The following EPM2A variants were observed in gnomAD, a reference collection of about 807,000 sequenced individuals.
The protein encoded by EPM2A is EPM2A glucan phosphatase, laforin, also known as laforin.
In EPM2A, 21 loss-of-function variants were observed where a neutral mutation model predicts 26.5. The ratio of observed to expected loss-of-function variants is 0.79; its 90% CI spans 0.56 to 1.14. The LOEUF (loss-of-function observed/expected upper bound fraction) is 1.14. Ranked by LOEUF, EPM2A falls within the 50% of genes most tolerant of loss-of-function variation. EPM2A has a pLI of 0.00. For missense variants in EPM2A, 458 were observed against 440.8 expected, an observed-to-expected ratio of 1.04 and a Z score of -0.35; for synonymous variants, 217 against 177.6, an observed-to-expected ratio of 1.22 and a Z score of -1.76.
At chr6:145,560,111 G>A (rs548957714) in intron 2 of EPM2A, among the ~76,000 whole-genome samples, 3 of 152,146 alleles carry the variant, frequency 2.0e-5, no homozygotes, top group Non-Finnish European at 4.4e-5. Flanking sequence ...GGGTAGACCT[G>A]GGCCTCAGAA....
At chr6:145,437,409 G>A (rs1231014569) in intron 4 of EPM2A, among the ~76,000 whole-genome samples, 1 of 152,104 alleles carries the variant, frequency 6.6e-6, no homozygotes, top group African/African-American at 2.4e-5. Context: ...AGCGGTGTAA[G>A]AACAGTCGAA....
At chr6:145,442,832 G>A (rs894240828) in intron 4 of EPM2A, among the ~76,000 whole-genome samples, 12 of 150,890 alleles carry the variant, frequency 8.0e-5, no homozygotes, top group African/African-American at 2.7e-4. Context: ...ACAGTTTGAA[G>A]TTTCACAAGG....
Position 145,509,112 on chromosome 6 carries a change from C to G in EPM2A, c.341-6537G>C, listed in dbSNP as rs575578455. ...TTATGTAAAGCAATGAAACCTATGA[C>G]TTGTTGGCATTCCTGAGAGAGAGAA... On this transcript the variant is annotated intron_variant, in intron 2 of 3. Transcript: ENST00000450221. 3.4e-4 allele frequency among the ~76,000 whole-genome samples: 52 copies of G among 152,194 alleles called. 1 individual carries two copies. Among genetic ancestry groups the G allele is most frequent in the Middle Eastern group, 6.8e-3 (2 of 292 alleles).
intron 2 of EPM2A, among the ~76,000 whole-genome samples, chr6:145,519,299 G>C (rs1464720001): frequency 6.6e-6 from 1 of 152,092 alleles, no homozygotes; most frequent in Non-Finnish European, 1.5e-5. Context: ...ATGCACCATG[G>C]ATATTTAACT....
chr6:145,654,226 T>C (rs931782567), intron 2 of EPM2A, among the ~76,000 whole-genome samples: 2 of 152,072 alleles, frequency 1.3e-5, no homozygotes, highest in South Asian at 2.1e-4. Context: ...GTTTCACTCT[T>C]GTTGCCCAGA....
chr6:145,523,623 AGACT>A (rs1780232631), intron 2 of EPM2A, among the ~76,000 whole-genome samples: 2 of 152,204 alleles, frequency 1.3e-5, no homozygotes, highest in East Asian at 1.9e-4. Flanking sequence ...ACTACTTCAC[AGACT>A]GACTGTTCTC....
At chr6:145,569,057 C>T (rs1478092398) in intron 2 of EPM2A, among the ~76,000 whole-genome samples, 1 of 152,162 alleles carries the variant, frequency 6.6e-6, no homozygotes, top group Non-Finnish European at 1.5e-5. Flanking sequence ...TGTTGAAATG[C>T]TGTTCAGGAA....
intron 2 of EPM2A, among the ~76,000 whole-genome samples, chr6:145,672,442 T>C (rs906399067): frequency 2.0e-5 from 3 of 152,156 alleles, no homozygotes; most frequent in African/African-American, 4.8e-5. Flanking sequence ...ATGCCAGCAG[T>C]AGGGAATGGT....
intron 4 of EPM2A, among the ~76,000 whole-genome samples, chr6:145,457,596 TTA>T (rs1365435920): frequency 6.6e-6 from 1 of 152,194 alleles, no homozygotes; most frequent in African/African-American, 2.4e-5. Flanking sequence ...ATTCACTCAC[TTA>T]ATTTTTATTG....
intron 2 of EPM2A, among the ~76,000 whole-genome samples, chr6:145,661,576 T>A (rs73782038): frequency 0.014 from 2,101 of 152,346 alleles, 42 homozygotes; most frequent in African/African-American, 0.047. Flanking sequence ...GAAAATGGTA[T>A]GTAATCAGAA....
At chr6:145,406,428 C>G (rs903692811) in intron 4 of EPM2A, among the ~76,000 whole-genome samples, 1 of 152,130 alleles carries the variant, frequency 6.6e-6, no homozygotes, top group Admixed American at 6.6e-5. Flanking sequence ...ACTGCATCAT[C>G]CATTGTAATT....
At chr6:145,448,773 T>C (rs1441386578) in intron 4 of EPM2A, among the ~76,000 whole-genome samples, 1 of 152,206 alleles carries the variant, frequency 6.6e-6, no homozygotes, top group Non-Finnish European at 1.5e-5. Context: ...AGATGATACA[T>C]AGACTAAACA....
intron 2 of EPM2A, among the ~76,000 whole-genome samples, chr6:145,543,255 T>C (rs1179474662): frequency 6.6e-6 from 1 of 152,012 alleles, no homozygotes. Context: ...CTTACAGTAA[T>C]CAATACAGTC....
chr6:145,484,169 G>A (rs1779645397), intron 4 of EPM2A, among the ~76,000 whole-genome samples: 1 of 152,088 alleles, frequency 6.6e-6, no homozygotes, highest in Admixed American at 6.6e-5. Context: ...ATTTTCTGCT[G>A]TTCTTCTGTA....
rs1782137627 is a variant in EPM2A, at chr6:145,705,056, T to C, written c.302-18760A>G. Among the ~76,000 whole-genome samples, 3 of 152,324 alleles carry C rather than the reference T, an allele frequency of 2.0e-5. No homozygotes were observed. The South Asian group carries it at 6.2e-4, about 32-fold the overall frequency. ...AAAGTGCCTTGCTCAAGTTCATATA[T>C]TTATCAAGCATTTAATGAACATCTG... On this transcript the variant is annotated intron_variant, in intron 1 of 3. Coordinates refer to ENST00000367519, the MANE Select transcript of EPM2A (RefSeq NM_005670.4).
At chr6:145,474,138 A>T (rs1043467079) in intron 4 of EPM2A, among the ~76,000 whole-genome samples, 1 of 152,146 alleles carries the variant, frequency 6.6e-6, no homozygotes, top group African/African-American at 2.4e-5. Context: ...GTACAATAAG[A>T]TATAAATAGA....
chr6:145,508,398 T>C (rs1423746846), intron 2 of EPM2A, among the ~76,000 whole-genome samples: 1 of 152,180 alleles, frequency 6.6e-6, no homozygotes, highest in African/African-American at 2.4e-5. Context: ...GAAGCCTGAA[T>C]TACACCTCCA....
At chr6:145,482,103 C>A (rs1779617221) in intron 4 of EPM2A, among the ~76,000 whole-genome samples, 1 of 152,180 alleles carries the variant, frequency 6.6e-6, no homozygotes, top group South Asian at 2.1e-4. Context: ...TAACAGAGTT[C>A]TTCTGTGTTT....
At chr6:145,604,113 T>A (rs1208034453) in intron 2 of EPM2A, among the ~76,000 whole-genome samples, 2 of 152,106 alleles carry the variant, frequency 1.3e-5, no homozygotes, top group Admixed American at 6.5e-5. Context: ...CTCAACAGAT[T>A]TATAGACAAT....
Sources: allele counts gnomAD v4.1 joint callset (sites outside exome capture counted in the v4.1 genomes callset), GRCh38; gene constraint gnomAD v4.1.1; transcripts MANE v1.5; gene names NCBI Gene and HGNC (gene_info 2026-07-23, HGNC 2026-07-21).